ERC2: variants seen among roughly 807,000 people sequenced by gnomAD.
ERC2 encodes ERC protein 2.
ERC2 carries 42 observed loss-of-function variants against 114.8 expected under a neutral mutation model. That is an observed-to-expected ratio of 0.37 (90% CI 0.29 to 0.47). The LOEUF is 0.47. ERC2 is among the 20% of genes least tolerant of loss of function. The probability of loss-of-function intolerance (pLI) is 0.99; values close to 1 mark genes in which losing one functional copy is unlikely to be tolerated. For missense variants in ERC2, 939 were observed against 1,150.7 expected (o/e 0.82, Z 2.66); for synonymous variants, 454 against 425.5 (o/e 1.07, Z -0.82).
At chr3:55,808,070 T>C (rs1035575345) in intron 14 of ERC2, among the ~76,000 whole-genome samples, 2 of 152,186 alleles carry the variant, frequency 1.3e-5, no homozygotes, top group African/African-American at 4.8e-5. Context: ...TCAAGGTTTA[T>C]AGAAAACCTA....
chr3:55,710,564 A>G (rs2063727461), intron 15 of ERC2, among the ~76,000 whole-genome samples: 1 of 152,130 alleles, frequency 6.6e-6, no homozygotes, highest in Non-Finnish European at 1.5e-5. Context: ...TTAGTCACCT[A>G]TTTAAGGTGG....
At chr3:56,042,444 C>G (rs1576678866) in intron 7 of ERC2, among the ~76,000 whole-genome samples, 1 of 152,242 alleles carries the variant, frequency 6.6e-6, no homozygotes, top group Middle Eastern at 3.4e-3. Context: ...CAACTGAAAA[C>G]AAAGTGAACC....
chr3:56,335,152 T>C (rs1017851332), intron 2 of ERC2, among the ~76,000 whole-genome samples: 4 of 152,196 alleles, frequency 2.6e-5, no homozygotes, highest in Non-Finnish European at 4.4e-5. Flanking sequence ...CCAAAATCTA[T>C]GTATTTCTTG....
chr3:56,418,886 T>G lies in ERC2; in HGVS notation c.657+15465A>C, dbSNP rs561179247. Among the ~76,000 whole-genome samples, 22 of 152,310 alleles carry G rather than the reference T, an allele frequency of 1.4e-4. No homozygotes were observed. In the South Asian group the frequency reaches 4.1e-3, roughly 29 times the overall value. ...ACTGTGCCCACTCTTAGACTCTGGC[T>G]AGGCTTCTACAGAAGACAGAGAGAG... On this transcript the variant is annotated intron_variant, in intron 2 of 17. Coordinates refer to ENST00000288221, the MANE Select transcript of ERC2 (RefSeq NM_015576.3).
chr3:55,597,044 A>G (rs2058171722), intron 17 of ERC2, among the ~76,000 whole-genome samples: 1 of 152,208 alleles, frequency 6.6e-6, no homozygotes. Flanking sequence ...AAAAAAATTG[A>G]ACATGTGCTT....
At chr3:55,706,846 G>A (rs1474296248) in intron 15 of ERC2, among the ~76,000 whole-genome samples, 2 of 152,180 alleles carry the variant, frequency 1.3e-5, no homozygotes, top group Non-Finnish European at 1.5e-5. Flanking sequence ...CTTCTTGAGA[G>A]TTCTCATCAC....
chr3:56,046,585 G>C (rs1238288600), intron 7 of ERC2, among the ~76,000 whole-genome samples: 1 of 152,152 alleles, frequency 6.6e-6, no homozygotes, highest in African/African-American at 2.4e-5. Flanking sequence ...AAAACAAAGA[G>C]GCTGAAGATA....
At chr3:55,630,153 A>G (rs1017118511) in intron 17 of ERC2, among the ~76,000 whole-genome samples, 2 of 152,184 alleles carry the variant, frequency 1.3e-5, no homozygotes, top group Non-Finnish European at 2.9e-5. Context: ...CTATCAGACA[A>G]GACACTTTTT....
chr3:55,750,694 C>T (rs1412108514), intron 14 of ERC2, among the ~76,000 whole-genome samples: 2 of 152,174 alleles, frequency 1.3e-5, no homozygotes, highest in African/African-American at 4.8e-5. Flanking sequence ...CTTACTTATG[C>T]CTGTTCCTAG....
intron 2 of ERC2, among the ~76,000 whole-genome samples, chr3:56,318,590 C>CAA (rs750926050): frequency 3.7e-5 from 5 of 136,630 alleles, no homozygotes; most frequent in Admixed American, 7.2e-5. Context: ...AACTCAAAAG[C>CAA]AAAAAAAAAA....
At chr3:56,273,389 G>T (rs983606643) in intron 3 of ERC2, among the ~76,000 whole-genome samples, 1 of 151,086 alleles carries the variant, frequency 6.6e-6, no homozygotes, top group African/African-American at 2.4e-5. Context: ...AAGTACCAAG[G>T]ACCACAGGCA....
intron 17 of ERC2, among the ~76,000 whole-genome samples, chr3:55,639,349 G>C (rs1358173763): frequency 6.6e-6 from 1 of 152,154 alleles, no homozygotes. Flanking sequence ...TGGAAATCCA[G>C]GTGCTGAACT....
chr3:56,319,404 C>T (rs1281851022), intron 2 of ERC2, among the ~76,000 whole-genome samples: 1 of 151,600 alleles, frequency 6.6e-6, no homozygotes, highest in Non-Finnish European at 1.5e-5. Context: ...GAAGAACAAA[C>T]ATTACGTGAT....
intron 2 of ERC2, among the ~76,000 whole-genome samples, chr3:56,431,518 TCTTA>T (rs1356215138): frequency 6.6e-6 from 1 of 152,214 alleles, no homozygotes; most frequent in East Asian, 1.9e-4. Flanking sequence ...CTGACCTGCT[TCTTA>T]CTTTAAGCAA....
chr3:56,075,199 C>G (rs1315960648), intron 7 of ERC2, among the ~76,000 whole-genome samples: 1 of 152,076 alleles, frequency 6.6e-6, no homozygotes, highest in Non-Finnish European at 1.5e-5. Context: ...TCACATATCC[C>G]AGACTCTTAT....
intron 15 of ERC2, among the ~76,000 whole-genome samples, chr3:55,714,685 A>ATGTGTG (rs2063997959): frequency 3.0e-4 from 10 of 32,964 alleles, no homozygotes; most frequent in African/African-American, 6.9e-4. Flanking sequence ...ATATATATAT[A>ATGTGTG]TATATATATA....
In ERC2 at chr3:56,434,548, G is replaced by C. The variant is rs1231269291; in HGVS notation, c.460C>G (p.Leu154Val). 1 of 1,613,992 alleles carries C rather than the reference G, an allele frequency of 6.2e-7. No individual in the cohort carries two copies. The highest frequency in any genetic ancestry group is 1.1e-5 in the South Asian group (1 of 91,088). The change falls in exon 2 of 18, where the codon CTG (leucine) becomes GTG (valine). Residue 154 changes from leucine (L) to valine (V), a missense_variant. Leu to Val is a conservative substitution (Grantham distance 32). Around this residue, in one of 5 missense-constraint regions of ERC2, gnomAD observed 281 missense variants for 307.4 expected, o/e 0.91. Coordinates refer to ENST00000288221, the MANE Select transcript of ERC2 (RefSeq NM_015576.3). The stretch of plus-strand genomic sequence containing the variant: ...TCATTCTCTCTCTGCAGTTCTTTCA[G>C]CTGGGCCTGAAGATCTAACATTGTG... Reference protein sequence around the residue: ...DSTMLDLQAQLKELQRENDLL... With the variant: ...DSTMLDLQAQVKELQRENDLL...
At chr3:55,706,618 G>A (rs1251982756) in intron 15 of ERC2, among the ~76,000 whole-genome samples, 1 of 151,846 alleles carries the variant, frequency 6.6e-6, no homozygotes, top group Non-Finnish European at 1.5e-5. Context: ...CACCATGTCA[G>A]CCAGGCTGGT....
chr3:55,556,149 C>A (rs903263414), intron 17 of ERC2, among the ~76,000 whole-genome samples: 1 of 152,184 alleles, frequency 6.6e-6, no homozygotes, highest in Non-Finnish European at 1.5e-5. Context: ...CTCCAGGACT[C>A]ACGTGACTGC....
Sources: gnomAD v4.1 joint callset for allele counts (sites outside exome capture counted in the v4.1 genomes callset) on GRCh38, gnomAD v4.1.1 for gene constraint, gnomAD v4.1.1 regional missense constraint, MANE v1.5 for transcripts, NCBI Gene and HGNC (gene_info 2026-07-23, HGNC 2026-07-21) for gene names.